Variants in VDAC3 observed in about 807,000 individuals in gnomAD.
The protein encoded by VDAC3 is voltage dependent anion channel 3.
Under a neutral mutation model 33.9 loss-of-function variants are expected in VDAC3, and 7 were observed. The ratio of observed to expected loss-of-function variants is 0.21; its 90% confidence interval spans 0.12 to 0.39. The LOEUF (loss-of-function observed/expected upper bound fraction) is 0.39, where lower values mean the gene tolerates loss of function less well. VDAC3 is among the 10% of genes least tolerant of loss of function. The pLI is 1.00. For synonymous variants in VDAC3, 100 were observed against 122.4 expected (o/e 0.82, Z 1.21); for missense variants, 261 against 334.5 (o/e 0.78, Z 1.71).
At chr8:42,401,667 T>C in intron 6 of VDAC3, 121 bp from the exon 7 acceptor site, 2 of 852,758 alleles carry the variant, frequency 2.3e-6, no homozygotes, top group Non-Finnish European at 3.8e-6. Context: ...ATATGTGGCA[T>C]GTACCAAAAT....
chr8:42,402,588 T>C (rs1210826019), intron 7 of VDAC3, among the ~76,000 whole-genome samples: 1 of 152,194 alleles, frequency 6.6e-6, no homozygotes, highest in African/African-American at 2.4e-5. Context: ...TTACGTAGTA[T>C]TTTATGTTGA....
At chr8:42,395,969 A>T (rs1323626191) in intron 4 of VDAC3, among the ~76,000 whole-genome samples, 45 of 149,758 alleles carry the variant, frequency 3.0e-4, no homozygotes, top group African/African-American at 1.1e-3. Flanking sequence ...AAAAAAAAAA[A>T]AAAAAAGGCC....
In VDAC3 at chr8:42,405,224, T is replaced by C. The variant is rs766745470; in HGVS notation, c.761-147T>C. ...TTCCTCATTACACATCAGATAGTTA[T>C]AAATAACCGATTGAGTAATAGCTGT... On this transcript the variant is annotated intron_variant, in intron 9 of 9. Coordinates refer to ENST00000022615, the MANE Select transcript of VDAC3 (RefSeq NM_005662.7). The C allele has an allele frequency of 1.0e-4, 69 of 685,380 alleles. 1 individual carries two copies. Among genetic ancestry groups the C allele is most frequent in the Non-Finnish European group, 1.5e-4 (62 of 403,254 alleles). The allele number at this position is 685,380 out of a possible 1,614,324, so 42.5% of individuals were successfully genotyped here. A position where few individuals can be genotyped will look rare whatever the true frequency, so the allele number is the denominator to read the frequency against.
rs775410183 is a variant in VDAC3 at position 42,405,462 on chromosome 8, A to G, written c.852A>G (p.Ter284=). 6.2e-7 allele frequency: 1 copy of G among 1,611,498 alleles called. No individual in the cohort carries two copies. The highest frequency in any genetic ancestry group is 8.5e-7 in the Non-Finnish European group (1 of 1,179,330). Residue 284 remains the stop codon, a stop_retained_variant, in exon 10 of 10, where the codon TAA becomes TAG. Coordinates refer to ENST00000022615, the MANE Select transcript of VDAC3 (RefSeq NM_005662.7). The part of the protein sequence containing the change: ...KVGLGFELEA[*] ...GCTTGGGATTTGAACTGGAAGCTTA[A>G]TGTGGTTTGAGGAAAGCATCAGATT...
At chr8:42,393,741 T>C in intron 1 of VDAC3, 104 bp from the exon 2 acceptor site, 1 of 399,918 alleles carries the variant, frequency 2.5e-6, no homozygotes, top group Non-Finnish European at 4.4e-6. Flanking sequence ...TGGTAAATTC[T>C]TATTTTAAGA....
chr8:42,395,270 C>A, intron 4 of VDAC3, 137 bp downstream of exon 4: 1 of 1,300,692 alleles, frequency 7.7e-7, no homozygotes, highest in South Asian at 1.4e-5. Flanking sequence ...TTTTAAACAG[C>A]ATTCTTAGCC....
chr8:42,393,916 C>CAGTTT (rs1585946822), intron 2 of VDAC3, 32 bp downstream of exon 2: 1 of 431,448 alleles, frequency 2.3e-6, no homozygotes, highest in Non-Finnish European at 4.1e-6. Context: ...AAAAGAAGTC[C>CAGTTT]AGTTTAACAT....
intron 2 of VDAC3, 66 bp from the exon 3 acceptor site, chr8:42,394,141 CAGA>C: frequency 1.4e-6 from 2 of 1,389,166 alleles, no homozygotes; most frequent in Middle Eastern, 1.8e-4. Context: ...GATTAAACAG[CAGA>C]AGAACTGTGG....
chr8:42,396,782 T>G (rs1363722357), intron 4 of VDAC3: 2 of 644,132 alleles, frequency 3.1e-6, no homozygotes, highest in Non-Finnish European at 2.8e-6. Flanking sequence ...ATTTCTTAGA[T>G]TGTGTCTTGA....
At chr8:42,400,504 C>T (rs1327646775) in intron 6 of VDAC3, among the ~76,000 whole-genome samples, 2 of 151,612 alleles carry the variant, frequency 1.3e-5, no homozygotes, top group African/African-American at 4.8e-5. Flanking sequence ...TCAATTTCCT[C>T]GTGAAAAAAA....
chr8:42,403,415 T>C lies in VDAC3; in HGVS notation c.656T>C (p.Phe219Ser), dbSNP rs754765253. 1 of 1,609,812 alleles carries C rather than the reference T, an allele frequency of 6.2e-7. No individual in the cohort carries two copies. The highest frequency in any genetic ancestry group is 8.5e-7 in the Non-Finnish European group (1 of 1,178,676). ...ACAGCTGGGAGTAACAACACCCGTTTTGGCATTGCTGCTAAGTACATGCTG... is the reference window on the plus strand; with the variant it reads ...ACAGCTGGGAGTAACAACACCCGTTCTGGCATTGCTGCTAAGTACATGCTG... The part of the protein sequence containing the change: ...AWTAGSNNTR[F>S]GIAAKYMLDC... Residue 219 changes from phenylalanine to serine, a missense_variant, in exon 8 of 10, where the codon TTT becomes TCT. By Grantham distance (155) the Phe-to-Ser change is radical (BLOSUM62 -2). Coordinates refer to ENST00000022615, the MANE Select transcript of VDAC3 (RefSeq NM_005662.7).
At chr8:42,402,425 G>T (rs1230087459) in intron 7 of VDAC3, among the ~76,000 whole-genome samples, 2 of 152,152 alleles carry the variant, frequency 1.3e-5, no homozygotes. Context: ...AGCATCCTGG[G>T]ACATCCCGGT....
rs535683580 is a variant in VDAC3 at position 42,398,146 on chromosome 8, G to T, written c.118-566G>T. ...AATATTTTTGGTCTTTTTAGTAAAG[G>T]CATTTGTTTTCAGTAAAGATACTTC... On this transcript the variant is annotated intron_variant, in intron 4 of 9. Coordinates refer to ENST00000022615, the MANE Select transcript of VDAC3 (RefSeq NM_005662.7). Among the ~76,000 whole-genome samples, 37 of 152,234 alleles carry T rather than the reference G, an allele frequency of 2.4e-4. 1 individual carries two copies. In the East Asian group the frequency reaches 6.9e-3, roughly 29 times the overall value.
intron 1 of VDAC3, among the ~76,000 whole-genome samples, 168 bp downstream of exon 1, chr8:42,392,096 C>A (rs1824878415): frequency 6.6e-6 from 1 of 152,140 alleles, no homozygotes; most frequent in African/African-American, 2.4e-5. Flanking sequence ...CCGCCCGGGC[C>A]ACCTCAGGCG....
At chr8:42,394,841 T>G (rs2130885692) in intron 3 of VDAC3, among the ~76,000 whole-genome samples, 1 of 152,318 alleles carries the variant, frequency 6.6e-6, no homozygotes, top group African/African-American at 2.4e-5. Context: ...GCATATTCCT[T>G]TCATTTATTT....
rs762990615 is a variant in VDAC3, at chr8:42,403,410, C to G, written c.651C>G (p.Thr217=). 5.6e-6 allele frequency: 9 copies of G among 1,609,702 alleles called. No homozygotes were observed. Among genetic ancestry groups the G allele is most frequent in the East Asian group, 4.5e-5 (2 of 44,810 alleles). The part of the protein sequence containing the change: ...NLAWTAGSNN[T]RFGIAAKYML... ...CTTGGACAGCTGGGAGTAACAACACCCGTTTTGGCATTGCTGCTAAGTACA... is the reference window on the plus strand; with the variant it reads ...CTTGGACAGCTGGGAGTAACAACACGCGTTTTGGCATTGCTGCTAAGTACA... Residue 217 remains threonine, a synonymous_variant, in exon 8 of 10, where the codon ACC becomes ACG. Transcript: ENST00000022615.
At position 42,404,834 on chromosome 8, in the gene VDAC3, G is replaced by A. The variant is rs186276811; in HGVS notation, c.703-33G>A. 1.6e-4 allele frequency: 258 copies of A among 1,588,636 alleles called. 2 individuals are homozygous for A. In the African/African-American group the frequency reaches 3.1e-3, roughly 19 times the overall value. Reference sequence around the variant, plus strand: ...ATATTGGACTGATCTGTAATTCACTGTTTTCTGTTATTATTCTATCTCTTA... The same window carrying A: ...ATATTGGACTGATCTGTAATTCACTATTTTCTGTTATTATTCTATCTCTTA... On this transcript the variant is annotated intron_variant, in intron 8 of 9. Coordinates refer to ENST00000022615, the MANE Select transcript of VDAC3 (RefSeq NM_005662.7).
chr8:42,401,980 T>G lies in VDAC3; in HGVS notation c.516T>G (p.Gly172=). ...TGTCACAGAATAATTTCGCCCTGGG[T>G]TACAAGGCTGCGGACTTCCAGCTGC... ...SKLSQNNFAL[G]YKAADFQLHT... Residue 172 remains glycine (G), a synonymous_variant, in exon 7 of 10, where the codon GGT becomes GGG. Transcript: ENST00000022615. The G allele has an allele frequency of 6.2e-7, 1 of 1,614,226 alleles. No homozygotes were observed. The highest frequency in any genetic ancestry group is 1.3e-5 in the African/African-American group (1 of 75,054).
intron 6 of VDAC3, 57 bp from the exon 7 acceptor site, chr8:42,401,731 A>G (rs1438847835): frequency 1.3e-6 from 2 of 1,524,066 alleles, no homozygotes; most frequent in Non-Finnish European, 1.8e-6. Flanking sequence ...ATTCCTAGAC[A>G]GTAGTAAGAA....
Sources: allele counts gnomAD v4.1 joint callset (sites outside exome capture counted in the v4.1 genomes callset), GRCh38; gene constraint gnomAD v4.1.1; transcripts MANE v1.5; gene names NCBI Gene and HGNC (gene_info 2026-07-23, HGNC 2026-07-21).